Variants in TMCO6 observed in about 807,000 individuals in gnomAD.
The protein encoded by TMCO6 is transmembrane and coiled-coil domain-containing protein 6.
TMCO6 carries 47 observed loss-of-function variants against 61.8 expected under a neutral mutation model. The observed-to-expected ratio is 0.76, with a 90% CI of 0.60 to 0.97. TMCO6 has a LOEUF of 0.97. TMCO6 is among the 50% of genes least tolerant of loss of function. TMCO6 has a pLI of 0.00. For missense variants in TMCO6, 557 were observed against 601.6 expected (o/e 0.93, Z 0.78); for synonymous variants, 261 against 254.2 (o/e 1.03, Z -0.25).
chr5:140,614,893 G>A, the TMCO6 span, among the ~76,000 whole-genome samples: 2 of 152,100 alleles, frequency 1.3e-5, no homozygotes, highest in Admixed American at 6.6e-5. Context: ...GAGCCACCTC[G>A]CCCAGCGGGA....
At chr5:140,629,313 T>C in the TMCO6 span, among the ~76,000 whole-genome samples, 1 of 146,114 alleles carries the variant, frequency 6.8e-6, no homozygotes, top group African/African-American at 2.7e-5. Flanking sequence ...CTAAAAAAAA[T>C]AATAATAATA....
At chr5:140,630,104 C>T in the TMCO6 span, among the ~76,000 whole-genome samples, 1 of 151,660 alleles carries the variant, frequency 6.6e-6, no homozygotes, top group Non-Finnish European at 1.5e-5. Context: ...AGCAATTCTC[C>T]TGCCTCAGCC....
At position 140,644,150 on chromosome 5, in the gene TMCO6, CCT is replaced by C. The variant is rs1757234439; in HGVS notation, c.1161_1162del (p.Leu388ThrfsTer7). On this transcript the variant is annotated frameshift_variant, in exon 10 of 12. Transcript: ENST00000394671. LOFTEE classifies it high-confidence loss of function. ...TSLLSLDLIE[P>X]LLQLLPVSNV... ...CTTGCTCTCCCTGGATCTGATTGAG[CCT>C]CTCTTACAGCTGTTGCCAGTATCTA... is the stretch of plus-strand genomic sequence containing the variant. The C allele has an allele frequency of 1.9e-6, 3 of 1,614,082 alleles. No individual in the cohort carries two copies. Among genetic ancestry groups the C allele is most frequent in the East Asian group, 2.2e-5 (1 of 44,886 alleles).
At chr5:140,625,669 C>G in the TMCO6 span, among the ~76,000 whole-genome samples, 21 of 152,210 alleles carry the variant, frequency 1.4e-4, 1 homozygote, top group Admixed American at 1.2e-3. Context: ...ACTTTAAGAG[C>G]AGGAACTTTT....
chr5:140,615,775 A>G, the TMCO6 span, among the ~76,000 whole-genome samples: 4 of 152,364 alleles, frequency 2.6e-5, no homozygotes, highest in East Asian at 7.7e-4. Flanking sequence ...ACTTTATACC[A>G]TATGTAAAAA....
At chr5:140,625,832 G>A in the TMCO6 span, among the ~76,000 whole-genome samples, 3 of 152,178 alleles carry the variant, frequency 2.0e-5, no homozygotes, top group African/African-American at 7.2e-5. Flanking sequence ...GGAAAGAATG[G>A]CTAGAATATG....
the TMCO6 span, among the ~76,000 whole-genome samples, chr5:140,598,458 G>A: frequency 1.3e-5 from 2 of 152,188 alleles, no homozygotes; most frequent in African/African-American, 4.8e-5. Context: ...AACGTGGTAT[G>A]TCTGTTTGAT....
chr5:140,632,904 A>G, the TMCO6 span: 3 of 1,614,078 alleles, frequency 1.9e-6, no homozygotes, highest in South Asian at 2.2e-5. This position sits in a 1 kb window ranked among gnomAD's most constrained non-coding sequence, Gnocchi z 6.2. Flanking sequence ...TTCATCGTCC[A>G]GCTCACAAGG....
chr5:140,628,767 A>AATT, the TMCO6 span, among the ~76,000 whole-genome samples: 1 of 152,098 alleles, frequency 6.6e-6, no homozygotes, highest in Non-Finnish European at 1.5e-5. Context: ...GGCATATCTG[A>AATT]ATTGTGGGCA....
upstream of TMCO6, among the ~76,000 whole-genome samples, chr5:140,635,081 A>G (rs1220061790): frequency 6.6e-6 from 1 of 152,158 alleles, no homozygotes; most frequent in African/African-American, 2.4e-5. Flanking sequence ...CGTGCCCGGC[A>G]GAAAGTCTTT....
the TMCO6 span, among the ~76,000 whole-genome samples, chr5:140,608,575 A>T: frequency 7.9e-5 from 12 of 152,340 alleles, 1 homozygote; most frequent in South Asian, 2.5e-3. Context: ...CCACTGCTAA[A>T]TCAAAGGCCA....
chr5:140,597,940 T>C, the TMCO6 span, among the ~76,000 whole-genome samples: 1 of 152,188 alleles, frequency 6.6e-6, no homozygotes, highest in Non-Finnish European at 1.5e-5. Context: ...CAGATGTATC[T>C]CTAGTCCTGG....
chr5:140,597,582 C>T, the TMCO6 span, among the ~76,000 whole-genome samples: 1 of 152,212 alleles, frequency 6.6e-6, no homozygotes, highest in Non-Finnish European at 1.5e-5. Context: ...ATTCCATACC[C>T]TCAGCTATTA....
rs1413653092 is a variant in TMCO6, at chr5:140,642,370, G to T, written c.554G>T (p.Arg185Met). 6.2e-7 allele frequency: 1 copy of T among 1,613,858 alleles called. No individual in the cohort carries two copies. The change falls in exon 5 of 12, where the codon AGG (arginine) becomes ATG (methionine). Residue 185 changes from arginine to methionine, a missense_variant. Coordinates refer to ENST00000394671, the MANE Select transcript of TMCO6 (RefSeq NM_018502.5). ...ATCGTGGAGAGTGAGGCTGTGAGAAGGCAGCTCCTGCCACAGGGCATTGTT... is the reference window on the plus strand; with the variant it reads ...ATCGTGGAGAGTGAGGCTGTGAGAATGCAGCTCCTGCCACAGGGCATTGTT... ...NLIVESEAVR[R>M]QLLPQGIVPA...
chr5:140,616,672 C>T, the TMCO6 span, among the ~76,000 whole-genome samples: 1 of 152,180 alleles, frequency 6.6e-6, no homozygotes, highest in Non-Finnish European at 1.5e-5. Context: ...ATTTGCAACT[C>T]ATATATCTGA....
the TMCO6 span, among the ~76,000 whole-genome samples, chr5:140,619,295 G>A: frequency 1.3e-5 from 2 of 152,162 alleles, no homozygotes; most frequent in Non-Finnish European, 2.9e-5. Flanking sequence ...TTAAGTTCCA[G>A]CTCCCTTTCT....
chr5:140,608,793 T>C, the TMCO6 span, among the ~76,000 whole-genome samples: 1 of 152,226 alleles, frequency 6.6e-6, no homozygotes, highest in African/African-American at 2.4e-5. Flanking sequence ...CTTGTCAAAA[T>C]AAGTTTCCCA....
downstream of TMCO6, chr5:140,647,686 G>C (rs1378822401): frequency 2.0e-6 from 3 of 1,467,920 alleles, no homozygotes; most frequent in Non-Finnish European, 1.9e-6. Flanking sequence ...CATGAGGCAG[G>C]GGCGGGGTAA....
chr5:140,632,265 A>G, the TMCO6 span: 1 of 1,613,718 alleles, frequency 6.2e-7, no homozygotes, highest in Non-Finnish European at 8.5e-7. This position sits in a 1 kb window ranked among gnomAD's most constrained non-coding sequence, Gnocchi z 6.2. Context: ...TGCGGCGCAC[A>G]CGCCTGTGGG....
Sources: gnomAD v4.1 joint callset for allele counts (sites outside exome capture counted in the v4.1 genomes callset) on GRCh38, gnomAD v4.1.1 for gene constraint, Gnocchi (gnomAD v3.1) non-coding constraint, MANE v1.5 for transcripts, NCBI Gene and HGNC (gene_info 2026-07-23, HGNC 2026-07-21) for gene names.